Variants in LRRC7 observed in about 807,000 individuals in gnomAD.
LRRC7 encodes leucine rich repeat containing 7.
LRRC7 carries 23 observed loss-of-function variants against 175.7 expected under a neutral mutation model. The ratio of observed to expected loss-of-function variants is 0.13; its 90% confidence interval spans 0.09 to 0.19. The LOEUF (loss-of-function observed/expected upper bound fraction) is 0.19. Among genes scored for constraint, LRRC7 ranks in the 10% least tolerant of loss-of-function variants. The pLI is 1.00. For synonymous variants in LRRC7, 685 were observed against 680.9 expected (o/e 1.01, Z -0.09); for missense variants, 1,354 against 1,904.7 (o/e 0.71, Z 5.38).
At chr1:69,899,264 C>G (rs9787350) in intron 7 of LRRC7, among the ~76,000 whole-genome samples, 83,107 of 151,874 alleles carry the variant, frequency 0.55, 22,809 homozygotes, top group East Asian at 0.7. Context: ...GATGATGTTT[C>G]ATGGAATTGT....
At chr1:69,739,526 C>T (rs1231813134) in intron 2 of LRRC7, among the ~76,000 whole-genome samples, 3 of 152,028 alleles carry the variant, frequency 2.0e-5, no homozygotes, top group Admixed American at 6.6e-5. Flanking sequence ...ATGAATACAA[C>T]ATCAAAGAGC....
At chr1:69,942,648 T>C (rs1374400003) in intron 8 of LRRC7, among the ~76,000 whole-genome samples, 1 of 151,974 alleles carries the variant, frequency 6.6e-6, no homozygotes, top group African/African-American at 2.4e-5. Context: ...TCTCTGCCTC[T>C]CTCATCACAT....
intron 4 of LRRC7, among the ~76,000 whole-genome samples, chr1:69,815,797 A>T (rs1183398763): frequency 1.3e-5 from 2 of 152,144 alleles, no homozygotes; most frequent in Admixed American, 6.5e-5. Context: ...AGGCACTGGG[A>T]AATCTATCTC....
intron 7 of LRRC7, among the ~76,000 whole-genome samples, chr1:69,861,452 C>G (rs1357101540): frequency 2.0e-5 from 3 of 152,156 alleles, no homozygotes; most frequent in African/African-American, 7.2e-5. Context: ...TCAAATACTT[C>G]TTAATGGATT....
intron 23 of LRRC7, among the ~76,000 whole-genome samples, chr1:70,055,487 G>T (rs1024080090): frequency 2.0e-5 from 3 of 152,146 alleles, no homozygotes; most frequent in African/African-American, 7.2e-5. Flanking sequence ...GGAAAGATAT[G>T]CTGTATTAGT....
chr1:69,966,622 G>A (rs1651686978), intron 8 of LRRC7, among the ~76,000 whole-genome samples: 2 of 152,356 alleles, frequency 1.3e-5, no homozygotes, highest in African/African-American at 4.8e-5. Flanking sequence ...GATTGCTCCT[G>A]CAGGACCTGG....
At chr1:70,118,228 G>A (rs914021778) in intron 26 of LRRC7, among the ~76,000 whole-genome samples, 1 of 152,014 alleles carries the variant, frequency 6.6e-6, no homozygotes, top group Admixed American at 6.6e-5. Context: ...CAAGATGTAA[G>A]CCTGATAACC....
chr1:69,966,581 A>G (rs529902843), intron 8 of LRRC7, among the ~76,000 whole-genome samples: 81 of 152,374 alleles, frequency 5.3e-4, no homozygotes, highest in African/African-American at 1.7e-3. Flanking sequence ...TAGGAAAGCC[A>G]GGATAACCCA....
rs1317057371 is a variant in LRRC7 at position 69,740,504 on chromosome 1, C to G, written c.101-19687C>G. Reference sequence around the variant, plus strand: ...GAATGATTAGCAAATTGGGCAGCCCCCAGAATCCCAGCAGATTCAGGGGGA... The same window carrying G: ...GAATGATTAGCAAATTGGGCAGCCCGCAGAATCCCAGCAGATTCAGGGGGA... On this transcript the variant is annotated intron_variant, in intron 2 of 26. Transcript: ENST00000651989. 6.6e-5 allele frequency among the ~76,000 whole-genome samples: 10 copies of G among 152,096 alleles called. No individual in the cohort carries two copies. In the East Asian group the frequency reaches 1.9e-3, roughly 29 times the overall value.
At chr1:69,854,282 C>G (rs11209558) in intron 7 of LRRC7, among the ~76,000 whole-genome samples, 70,641 of 151,788 alleles carry the variant, frequency 0.47, 16,826 homozygotes, top group East Asian at 0.55. Context: ...AAGATCACTT[C>G]AGGTCAGGAG....
intron 7 of LRRC7, among the ~76,000 whole-genome samples, chr1:69,857,828 G>T (rs928377665): frequency 1.3e-5 from 2 of 152,142 alleles, no homozygotes; most frequent in Non-Finnish European, 2.9e-5. Context: ...AAAGAACAAA[G>T]CTGGAGGCAT....
intron 7 of LRRC7, among the ~76,000 whole-genome samples, chr1:69,905,046 G>A (rs1305331257): frequency 6.6e-6 from 1 of 152,006 alleles, no homozygotes; most frequent in Non-Finnish European, 1.5e-5. Flanking sequence ...ACTCAGTTAT[G>A]TCCTCAATGG....
At chr1:70,031,347 C>A (rs1658698081) in intron 18 of LRRC7, 1 of 152,146 alleles carries the variant, frequency 6.6e-6, no homozygotes, top group Admixed American at 6.5e-5. Flanking sequence ...AAATCAAGGA[C>A]AATTTCTGAG....
chr1:69,857,545 G>T (rs528504332), intron 7 of LRRC7, among the ~76,000 whole-genome samples: 2 of 151,904 alleles, frequency 1.3e-5, no homozygotes, highest in Non-Finnish European at 2.9e-5. Context: ...TAGGAATCCA[G>T]CTTACAAGGG....
intron 25 of LRRC7, among the ~76,000 whole-genome samples, chr1:70,098,850 G>A (rs1664599580): frequency 6.6e-6 from 1 of 151,700 alleles, no homozygotes; most frequent in Non-Finnish European, 1.5e-5. Flanking sequence ...ACCAAAAAGA[G>A]TCCAGGACCA....
intron 4 of LRRC7, among the ~76,000 whole-genome samples, chr1:69,821,999 C>A (rs1180324553): frequency 1.3e-5 from 2 of 152,154 alleles, no homozygotes; most frequent in African/African-American, 4.8e-5. Context: ...GAAGCTGTCA[C>A]CTCCTTCAGT....
In LRRC7 at chr1:69,617,259, G is replaced by T. The variant is rs537861741; in HGVS notation, c.2+48618G>T. On this transcript the variant is annotated intron_variant, in intron 1 of 26. Coordinates refer to ENST00000651989, the MANE Select transcript of LRRC7 (RefSeq NM_001370785.2). ...GAATTTGGGGTTCAGTATTAAGCAGGACTAGTATGGCATATAATGCAAATC... is the reference window on the plus strand; with the variant it reads ...GAATTTGGGGTTCAGTATTAAGCAGTACTAGTATGGCATATAATGCAAATC... 5.3e-5 allele frequency among the ~76,000 whole-genome samples: 8 copies of T among 152,054 alleles called. No homozygotes were observed. In the South Asian group the frequency reaches 1.5e-3, roughly 28 times the overall value.
At chr1:70,080,773 C>T (rs1053743905) in intron 24 of LRRC7, among the ~76,000 whole-genome samples, 10 of 152,056 alleles carry the variant, frequency 6.6e-5, no homozygotes, top group South Asian at 2.1e-4. Flanking sequence ...GTGCATAAAC[C>T]GTTTAGATTA....
intron 1 of LRRC7, among the ~76,000 whole-genome samples, chr1:69,636,072 A>C (rs1570088567): frequency 6.6e-6 from 1 of 152,016 alleles, no homozygotes; most frequent in African/African-American, 2.4e-5. Context: ...TGATTGAATA[A>C]ATGAATGAAT....
Sources: gnomAD v4.1 joint callset for allele counts (sites outside exome capture counted in the v4.1 genomes callset) on GRCh38, gnomAD v4.1.1 for gene constraint, MANE v1.5 for transcripts, NCBI Gene and HGNC (gene_info 2026-07-23, HGNC 2026-07-21) for gene names.